KIN: variants seen among roughly 807,000 people sequenced by gnomAD.
KIN encodes Kin17 DNA and RNA binding protein, also known as DNA/RNA-binding protein KIN17.
KIN carries 47 observed loss-of-function variants against 63.0 expected under a neutral mutation model. The ratio of observed to expected loss-of-function variants is 0.75; its 90% CI spans 0.59 to 0.95. KIN has a LOEUF of 0.95. Among genes scored for constraint, KIN ranks in the 40% least tolerant of loss-of-function variants. The pLI is 0.00. For missense variants in KIN, 408 were observed against 460.9 expected, an observed-to-expected ratio of 0.89 and a Z score of 1.05; for synonymous variants, 160 against 157.7, an observed-to-expected ratio of 1.01 and a Z score of -0.11.
chr10:7,775,639 C>T, intron 6 of KIN, 112 bp downstream of exon 6: 2 of 555,052 alleles, frequency 3.6e-6, no homozygotes, highest in East Asian at 3.1e-5. Flanking sequence ...AACAATGTAA[C>T]TCAGACACAT....
chr10:7,777,895 T>TC (rs59237901), intron 5 of KIN, among the ~76,000 whole-genome samples: 1 of 90,326 alleles, frequency 1.1e-5, no homozygotes, highest in Admixed American at 1.2e-4. Context: ...TGAGACTCCG[T>TC]CCCCCCCCCA....
At chr10:7,777,014 C>T (rs1835791013) in intron 5 of KIN, among the ~76,000 whole-genome samples, 1 of 137,436 alleles carries the variant, frequency 7.3e-6, no homozygotes, top group Non-Finnish European at 1.5e-5. Flanking sequence ...GTAATCATGC[C>T]ACTGCATTCT....
intron 7 of KIN, among the ~76,000 whole-genome samples, chr10:7,773,775 A>G (rs1204515663): frequency 6.6e-6 from 1 of 152,236 alleles, no homozygotes; most frequent in Non-Finnish European, 1.5e-5. Context: ...AATAGAAAAT[A>G]TCATCTGGCT....
chr10:7,778,791 C>T, intron 5 of KIN, 47 bp downstream of exon 5: 6 of 1,575,524 alleles, frequency 3.8e-6, no homozygotes, highest in Non-Finnish European at 5.2e-6. Flanking sequence ...CATTGTGCTT[C>T]TTTAGACCTC....
intron 7 of KIN, among the ~76,000 whole-genome samples, chr10:7,769,760 C>T (rs775284748): frequency 3.9e-5 from 6 of 152,166 alleles, no homozygotes; most frequent in South Asian, 2.1e-4. Flanking sequence ...CATCTATAAA[C>T]GAAGATAATA....
chr10:7,776,593 T>C (rs1435128037), intron 5 of KIN, among the ~76,000 whole-genome samples: 3 of 151,492 alleles, frequency 2.0e-5, no homozygotes, highest in Admixed American at 2.0e-4. Context: ...TAGCCCGGCA[T>C]GGTGGCGGGC....
chr10:7,762,420 A>T (rs778745181), intron 11 of KIN, 37 bp downstream of exon 11: 29 of 1,160,948 alleles, frequency 2.5e-5, no homozygotes, highest in Middle Eastern at 1.9e-4. Context: ...GCTCATTTTG[A>T]TGGCATATGT....
chr10:7,767,865 CAAAAAAAAAA>C (rs59238687), intron 8 of KIN, among the ~76,000 whole-genome samples: 1 of 69,102 alleles, frequency 1.4e-5, no homozygotes, highest in Non-Finnish European at 3.3e-5. Flanking sequence ...GACTCCGTCT[CAAAAAAAAAA>C]AAAAAAAAAG....
chr10:7,774,909 T>C lies in KIN; in HGVS notation c.608-18A>G. On this transcript the variant is annotated intron_variant, in intron 6 of 12. Coordinates refer to ENST00000379562, the MANE Select transcript of KIN (RefSeq NM_012311.4). ...AAACGTGACTAGAAGAAAAAAATGT[T>C]ATTCCATACATACATTTCAAGAAAA... is the stretch of plus-strand genomic sequence containing the variant. 6.4e-7 allele frequency: 1 copy of C among 1,570,478 alleles called. No homozygotes were observed. Among genetic ancestry groups the C allele is most frequent in the Non-Finnish European group, 8.8e-7 (1 of 1,141,374 alleles).
chr10:7,781,284 G>C (rs374536203), intron 2 of KIN, among the ~76,000 whole-genome samples: 3 of 152,212 alleles, frequency 2.0e-5, no homozygotes, highest in African/African-American at 4.8e-5. Context: ...CTGAGAAATG[G>C]CCTAATTTGA....
intron 1 of KIN, 66 bp downstream of exon 1, chr10:7,787,754 C>G: frequency 7.7e-7 from 1 of 1,302,400 alleles, no homozygotes; most frequent in Non-Finnish European, 1.1e-6. Context: ...AGCCCCGCGT[C>G]CAGGACCTGA....
chr10:7,769,131 T>C, intron 8 of KIN, 85 bp downstream of exon 8: 1 of 1,328,938 alleles, frequency 7.5e-7, no homozygotes, highest in Non-Finnish European at 1.0e-6. Flanking sequence ...ATAATTTTCC[T>C]AATTTTCTAT....
intron 1 of KIN, among the ~76,000 whole-genome samples, chr10:7,783,769 T>A (rs2131035515): frequency 6.6e-6 from 1 of 152,256 alleles, no homozygotes; most frequent in African/African-American, 2.4e-5. Flanking sequence ...AAACAAAAAA[T>A]GTGCCTTTCT....
At chr10:7,764,107 C>T (rs993872851) in intron 9 of KIN, among the ~76,000 whole-genome samples, 26 of 152,172 alleles carry the variant, frequency 1.7e-4, no homozygotes, top group Non-Finnish European at 1.0e-4. Flanking sequence ...AACTCTAGTA[C>T]TTCACGTCTT....
chr10:7,775,822 G>C (rs1564321863), intron 5 of KIN, 23 bp from the exon 6 acceptor site: 1 of 1,496,252 alleles, frequency 6.7e-7, no homozygotes, highest in East Asian at 2.3e-5. Context: ...AAGTTTTAAG[G>C]TTTTGGTGTA....
rs76231987 is a variant in KIN, at chr10:7,786,245, T to C, written c.114+1575A>G. On this transcript the variant is annotated intron_variant, in intron 1 of 12. Transcript: ENST00000379562. ...GAGGACAACTGAGGAAGTGTGAATGTGTATTAGATGATAAAGAGGAACTTC... is the reference window on the plus strand; with the variant it reads ...GAGGACAACTGAGGAAGTGTGAATGCGTATTAGATGATAAAGAGGAACTTC... Among the ~76,000 whole-genome samples the C allele has an allele frequency of 9.1e-3, 1,383 of 152,306 alleles. 17 individuals are homozygous for C. The highest frequency in any genetic ancestry group is 0.031 in the African/African-American group (1,308 of 41,550).
intron 9 of KIN, among the ~76,000 whole-genome samples, chr10:7,765,651 T>A (rs1451104433): frequency 6.6e-6 from 1 of 152,236 alleles, no homozygotes; most frequent in Non-Finnish European, 1.5e-5. Flanking sequence ...TTCTCCACAA[T>A]GTACCTATTA....
At chr10:7,769,167 T>G (rs1351828377) in intron 8 of KIN, 49 bp downstream of exon 8, 1 of 1,515,988 alleles carries the variant, frequency 6.6e-7, no homozygotes, top group Non-Finnish European at 8.9e-7. Flanking sequence ...TGAAATGATT[T>G]AATTTTCCTT....
intron 12 of KIN, among the ~76,000 whole-genome samples, chr10:7,756,516 A>G (rs1352169459): frequency 2.0e-5 from 3 of 152,172 alleles, no homozygotes; most frequent in African/African-American, 7.2e-5. Flanking sequence ...GACGTGCTAT[A>G]ACTGACACAC....
Sources: gnomAD v4.1 joint callset for allele counts (sites outside exome capture counted in the v4.1 genomes callset) on GRCh38, gnomAD v4.1.1 for gene constraint, MANE v1.5 for transcripts, NCBI Gene and HGNC (gene_info 2026-07-23, HGNC 2026-07-21) for gene names.